Variants in SEC63 observed in about 807,000 individuals in gnomAD.
SEC63 encodes the protein SEC63 protein translocation regulator, also known as translocation protein SEC63 homolog.
A neutral mutation model predicts 116.2 loss-of-function variants in SEC63; 56 were observed. The ratio of observed to expected loss-of-function variants is 0.48; its 90% CI spans 0.39 to 0.60. The LOEUF (loss-of-function observed/expected upper bound fraction) is 0.60. SEC63 is among the 20% of genes least tolerant of loss of function. The pLI is 0.00. For synonymous variants in SEC63, 273 were observed against 294.6 expected (o/e 0.93, Z 0.75); for missense variants, 668 against 900.0 (o/e 0.74, Z 3.30).
In SEC63 at chr6:107,934,469, G is replaced by A. The variant is rs1183104830; in HGVS notation, c.125-4955C>T. 6.9e-5 allele frequency among the ~76,000 whole-genome samples: 9 copies of A among 129,536 alleles called. No homozygotes were observed. The East Asian group carries it at 1.9e-3, about 27-fold the overall frequency. The allele number at this position is 129,536 out of a possible 152,430, so 85.0% of individuals were successfully genotyped here. Reference sequence around the variant, plus strand: ...CGACCCCGTCTGGGAGGTGAGGAGCGTCTCTGCCCGGCCGCTCCATCTGAG... The same window carrying A: ...CGACCCCGTCTGGGAGGTGAGGAGCATCTCTGCCCGGCCGCTCCATCTGAG... On this transcript the variant is annotated intron_variant, in intron 1 of 20. Coordinates refer to ENST00000369002, the MANE Select transcript of SEC63 (RefSeq NM_007214.5).
chr6:107,884,015 C>T (rs954345684), intron 16 of SEC63, among the ~76,000 whole-genome samples: 9 of 151,722 alleles, frequency 5.9e-5, no homozygotes, highest in African/African-American at 2.2e-4. Context: ...TCTGGGAGGC[C>T]GAGGCAGGTG....
chr6:107,891,708 G>T (rs1786687000), intron 16 of SEC63, among the ~76,000 whole-genome samples: 1 of 152,134 alleles, frequency 6.6e-6, no homozygotes, highest in African/African-American at 2.4e-5. Flanking sequence ...ATCTACCTTT[G>T]GTCTTTGAAG....
At chr6:107,937,849 A>G (rs578032489) in intron 1 of SEC63, among the ~76,000 whole-genome samples, 368 of 152,316 alleles carry the variant, frequency 2.4e-3, no homozygotes, top group African/African-American at 8.2e-3. Context: ...TTCTTTTAAG[A>G]AATGTTCATG....
In SEC63 at chr6:107,957,893, C is replaced by G. The variant is rs1770744309; in HGVS notation, c.117G>C (p.Gln39His). 6.2e-7 allele frequency: 1 copy of G among 1,612,054 alleles called. No homozygotes were observed. Among genetic ancestry groups the G allele is most frequent in the Admixed American group, 1.7e-5 (1 of 59,948 alleles). ...AAGGCCGGCGGGACTCACCGGCATT[C>G]TGATCTCGGGGCCAGAGGTAGTATG... The part of the protein sequence containing the change: ...PATYYLWPRD[Q>H]NAEQIRLKNI... The change falls in exon 1 of 21, where the codon CAG becomes CAC. Residue 39 changes from glutamine to histidine, a missense_variant. Physicochemically the swap from Gln to His is conservative, Grantham distance 24 (BLOSUM62 0). This residue lies in a region of SEC63 where 142 missense variants were observed against 169.5 expected (regional missense o/e 0.84). Coordinates refer to ENST00000369002, the MANE Select transcript of SEC63 (RefSeq NM_007214.5).
chr6:107,912,291 T>TA (rs1787299329), intron 6 of SEC63, among the ~76,000 whole-genome samples: 1 of 152,182 alleles, frequency 6.6e-6, no homozygotes, highest in South Asian at 2.1e-4. Context: ...TATTGTAAAT[T>TA]AAAATTAGGC....
At chr6:107,876,719 TA>T in intron 18 of SEC63, 57 bp from the exon 19 acceptor site, 1 of 1,156,542 alleles carries the variant, frequency 8.6e-7, no homozygotes, top group Admixed American at 1.9e-5. Flanking sequence ...CAGAAAGAAC[TA>T]GAAAGAATAT....
chr6:107,895,667 T>C (rs1335051854), intron 14 of SEC63, among the ~76,000 whole-genome samples: 1 of 151,864 alleles, frequency 6.6e-6, no homozygotes, highest in African/African-American at 2.4e-5. Context: ...CTACCACTAG[T>C]TGAATAAATT....
chr6:107,871,886 G>T, intron 20 of SEC63, 39 bp from the exon 21 acceptor site: 1 of 1,607,122 alleles, frequency 6.2e-7, no homozygotes, highest in Non-Finnish European at 8.5e-7. Context: ...AGAAATTTGG[G>T]GAGAAATAAT....
intron 16 of SEC63, 116 bp from the exon 17 acceptor site, chr6:107,883,262 C>A (rs1583725822): frequency 1.6e-6 from 2 of 1,267,182 alleles, no homozygotes; most frequent in Non-Finnish European, 2.2e-6. Flanking sequence ...GACAATTTCA[C>A]TATTCATATA....
At chr6:107,923,032 T>G (rs1052992913) in intron 3 of SEC63, among the ~76,000 whole-genome samples, 1 of 152,130 alleles carries the variant, frequency 6.6e-6, no homozygotes, top group Non-Finnish European at 1.5e-5. Context: ...AATACATACA[T>G]ATATATTCAG....
At chr6:107,918,809 G>T (rs1259391347) in intron 4 of SEC63, among the ~76,000 whole-genome samples, 1 of 151,384 alleles carries the variant, frequency 6.6e-6, no homozygotes, top group Non-Finnish European at 1.5e-5. Context: ...CTTCTGGAAA[G>T]GATTCACTAT....
chr6:107,897,714 T>A lies in SEC63; in HGVS notation c.1375A>T (p.Ser459Cys), dbSNP rs1217569190. ...AAGGATCCTACTGTGATGTTGTTGC[T>A]ATCTTCATCATCTAACACTGTTAAG... ...IKSQVLDDEDSNNITVGSLVT... is the reference protein window; with the variant it reads ...IKSQVLDDEDCNNITVGSLVT... The change falls in exon 14 of 21, where the codon AGC becomes TGC. Residue 459 changes from serine to cysteine, a missense_variant. Ser to Cys is a moderately radical substitution (Grantham distance 112, BLOSUM62 -1). Coordinates refer to ENST00000369002, the MANE Select transcript of SEC63 (RefSeq NM_007214.5). 6.2e-7 allele frequency: 1 copy of A among 1,608,044 alleles called. No homozygotes were observed. Among genetic ancestry groups the A allele is most frequent in the Non-Finnish European group, 8.5e-7 (1 of 1,174,680 alleles).
intron 4 of SEC63, among the ~76,000 whole-genome samples, chr6:107,921,540 C>G (rs572178499): frequency 6.6e-6 from 1 of 151,812 alleles, no homozygotes; most frequent in Non-Finnish European, 1.5e-5. Flanking sequence ...CAGCCTTGAC[C>G]TCCCAGGCTC....
At chr6:107,902,120 T>G (rs531805207) in intron 12 of SEC63, among the ~76,000 whole-genome samples, 1 of 152,162 alleles carries the variant, frequency 6.6e-6, no homozygotes, top group Non-Finnish European at 1.5e-5. Flanking sequence ...GATTAGATCA[T>G]GAGGCATGTA....
At chr6:107,904,536 A>C (rs1353275292) in intron 11 of SEC63, 93 bp downstream of exon 11, 1 of 917,784 alleles carries the variant, frequency 1.1e-6, no homozygotes, top group Admixed American at 1.7e-5. Context: ...GGCCGACAGA[A>C]GTCTGAGTAC....
chr6:107,926,218 T>C (rs1787670405), intron 2 of SEC63, among the ~76,000 whole-genome samples: 1 of 152,232 alleles, frequency 6.6e-6, no homozygotes, highest in Non-Finnish European at 1.5e-5. Flanking sequence ...ACTCTATGTA[T>C]ATAAAAGTTT....
At position 107,869,685 on chromosome 6, in the gene SEC63, A is replaced by AGTTGGG. The variant is rs1469737300; in HGVS notation, c.*2018_*2019insCCCAAC. 1 of 152,128 alleles carries AGTTGGG rather than the reference A, an allele frequency of 6.6e-6. No homozygotes were observed. Among genetic ancestry groups the AGTTGGG allele is most frequent in the Non-Finnish European group, 1.5e-5 (1 of 68,012 alleles). The allele number at this position is 152,128 out of a possible 1,614,324, so 9.4% of individuals were successfully genotyped here. On this transcript the variant is annotated 3_prime_UTR_variant, in exon 21 of 21. Coordinates refer to ENST00000369002, the MANE Select transcript of SEC63 (RefSeq NM_007214.5). The stretch of plus-strand genomic sequence containing the variant: ...GGTTACCTAAAGCACTCACTAGAGG[A>AGTTGGG]AATTTTATTTTACTTAGTTGGGAAG...
intron 18 of SEC63, chr6:107,876,928 C>T: frequency 5.1e-6 from 2 of 394,554 alleles, no homozygotes; most frequent in Non-Finnish European, 9.3e-6. Context: ...ATATTAAAAA[C>T]CCTGACTAAC....
Position 107,897,865 on chromosome 6 carries a change from A to G in SEC63, c.1358-134T>C, listed in dbSNP as rs1047556309. On this transcript the variant is annotated intron_variant, in intron 13 of 20. Transcript: ENST00000369002. The stretch of plus-strand genomic sequence containing the variant: ...AGCATATTATATTTTAAATTTGTTA[A>G]AAAAATAACTGATTGACTACTCTGT... The G allele has an allele frequency of 1.6e-5, 11 of 684,658 alleles. No homozygotes were observed. The African/African-American group carries it at 1.6e-4, about 10-fold the overall frequency. The allele number at this position is 684,658 out of a possible 1,614,324, so 42.4% of individuals were successfully genotyped here.
Sources: gnomAD v4.1 joint callset for allele counts (sites outside exome capture counted in the v4.1 genomes callset) on GRCh38, gnomAD v4.1.1 for gene constraint, gnomAD v4.1.1 regional missense constraint, MANE v1.5 for transcripts, NCBI Gene and HGNC (gene_info 2026-07-23, HGNC 2026-07-21) for gene names.